Variants in CDH22 observed in about 807,000 individuals in gnomAD.
CDH22 encodes the protein cadherin 22.
Under a neutral mutation model 58.4 loss-of-function variants are expected in CDH22, and 30 were observed. The observed-to-expected ratio is 0.51, with a 90% CI of 0.38 to 0.70. The LOEUF (loss-of-function observed/expected upper bound fraction) is 0.70, where lower values mean the gene tolerates loss of function less well. Among genes scored for constraint, CDH22 ranks in the 30% least tolerant of loss-of-function variants. CDH22 has a pLI of 0.00. For synonymous variants in CDH22, 513 were observed against 558.2 expected (o/e 0.92, Z 1.14); for missense variants, 1,014 against 1,233.9 (o/e 0.82, Z 2.67).
chr20:46,201,075 G>A lies in CDH22; in HGVS notation c.1287-1516C>T, dbSNP rs554160249. The stretch of plus-strand genomic sequence containing the variant: ...CCTTAAAGGCCCGTGTCCAACACAT[G>A]TCTCGGGCGGCGGCGGCCCAGAGAG... On this transcript the variant is annotated intron_variant, in intron 7 of 11. Coordinates refer to ENST00000537909, the MANE Select transcript of CDH22 (RefSeq NM_021248.3). Among the ~76,000 whole-genome samples the A allele has an allele frequency of 8.1e-4, 123 of 152,354 alleles. 3 individuals carry two copies. In the South Asian group the frequency reaches 0.025, roughly 31 times the overall value.
At chr20:46,281,675 C>T (rs533095908) in intron 1 of CDH22, among the ~76,000 whole-genome samples, 20 of 152,322 alleles carry the variant, frequency 1.3e-4, no homozygotes, top group African/African-American at 4.6e-4. Flanking sequence ...AGGTAGGTAG[C>T]CAACAAAGGG....
intron 1 of CDH22, among the ~76,000 whole-genome samples, chr20:46,277,655 G>C (rs1156734193): frequency 6.6e-6 from 1 of 151,968 alleles, no homozygotes; most frequent in African/African-American, 2.4e-5. Context: ...GGGTGAGTTT[G>C]GAGGAGGGCC....
chr20:46,266,472 G>T (rs989321541), intron 1 of CDH22, among the ~76,000 whole-genome samples: 1 of 152,204 alleles, frequency 6.6e-6, no homozygotes, highest in Non-Finnish European at 1.5e-5. Context: ...GGCCTCCTAG[G>T]AGCCATTACA....
At chr20:46,231,874 C>T (rs2086222626) in intron 3 of CDH22, among the ~76,000 whole-genome samples, 1 of 152,180 alleles carries the variant, frequency 6.6e-6, no homozygotes, top group Admixed American at 6.5e-5. Context: ...ATTTCCTCAC[C>T]TGTAACATTA....
chr20:46,234,178 G>A (rs2086238726), intron 3 of CDH22, among the ~76,000 whole-genome samples: 1 of 152,200 alleles, frequency 6.6e-6, no homozygotes, highest in African/African-American at 2.4e-5. Context: ...GGGGATGTCA[G>A]TACTTAACCC....
chr20:46,278,907 C>T (rs1227719186), intron 1 of CDH22, among the ~76,000 whole-genome samples: 1 of 152,180 alleles, frequency 6.6e-6, no homozygotes, highest in Non-Finnish European at 1.5e-5. Context: ...ATTTCTGGCT[C>T]TGGGTCCGGA....
chr20:46,186,736 T>C (rs761255889), intron 9 of CDH22, 31 bp from the exon 10 acceptor site: 3 of 1,609,746 alleles, frequency 1.9e-6, no homozygotes, highest in Non-Finnish European at 2.5e-6. Flanking sequence ...AGAGGGCTAG[T>C]GGTGAGGCTG....
chr20:46,284,857 G>A (rs1222192555), intron 1 of CDH22, among the ~76,000 whole-genome samples: 3 of 152,198 alleles, frequency 2.0e-5, no homozygotes, highest in African/African-American at 7.2e-5. Flanking sequence ...TGCCGAGATA[G>A]TGCAGCTTTA....
intron 1 of CDH22, among the ~76,000 whole-genome samples, chr20:46,268,652 C>T (rs567347491): frequency 2.6e-5 from 4 of 152,340 alleles, no homozygotes; most frequent in Non-Finnish European, 5.9e-5. Flanking sequence ...CAGACTCCAG[C>T]ACGGCCGGCC....
rs2086290094 is a variant in CDH22 at position 46,241,522 on chromosome 20, A to G, written c.256-265T>C. Among the ~76,000 whole-genome samples, 1 of 152,088 alleles carries G rather than the reference A, an allele frequency of 6.6e-6. No homozygotes were observed. The highest frequency in any genetic ancestry group is 1.5e-5 in the Non-Finnish European group (1 of 68,008). On this transcript the variant is annotated intron_variant, in intron 2 of 11. Coordinates refer to ENST00000537909, the MANE Select transcript of CDH22 (RefSeq NM_021248.3). This position sits in a 1 kb window ranked among gnomAD's most constrained non-coding sequence, Gnocchi z 5.2. ...CTATCAGCCTTGGAGGCAGATCTGA[A>G]CATGGCCTCCCTGCTTACAACCCTC...
chr20:46,304,987 G>A (rs919135431), intron 1 of CDH22, among the ~76,000 whole-genome samples: 3 of 152,250 alleles, frequency 2.0e-5, no homozygotes, highest in East Asian at 1.9e-4. Flanking sequence ...TTCAGTCCCC[G>A]CTCTCCTCCT....
At position 46,241,151 on chromosome 20, in the gene CDH22, G is replaced by A. The variant is rs747134732; in HGVS notation, c.362C>T (p.Ala121Val). The A allele has an allele frequency of 1.8e-5, 29 of 1,614,060 alleles. No individual in the cohort carries two copies. The highest frequency in any genetic ancestry group is 2.4e-5 in the Non-Finnish European group (28 of 1,180,022). The change falls in exon 3 of 12, where the codon GCC (alanine) becomes GTC (valine). Residue 121 changes from alanine to valine, a missense_variant. Physicochemically the swap from Ala to Val is moderately conservative, Grantham distance 64. Transcript: ENST00000537909. The surrounding 1 kb of genome is among the most constrained non-coding windows in gnomAD (Gnocchi z 5.2). ...CTGCTCGCGGTCCAGGCGCTCCATG[G>A]CATGAATGTCGCCTGTCAGCTCGTC... ...LIDELTGDIHAMERLDREQKT... is the reference protein window; with the variant it reads ...LIDELTGDIHVMERLDREQKT...
At chr20:46,263,429 C>T (rs112018495) in intron 1 of CDH22, among the ~76,000 whole-genome samples, 58 of 51,868 alleles carry the variant, frequency 1.1e-3, no homozygotes, top group African/African-American at 2.9e-3. Flanking sequence ...TGTGTGTGTG[C>T]GTGTGTGTGC....
At chr20:46,269,422 A>G (rs2086476937) in intron 1 of CDH22, among the ~76,000 whole-genome samples, 1 of 152,226 alleles carries the variant, frequency 6.6e-6, no homozygotes, top group South Asian at 2.1e-4. Context: ...AATAGTACTG[A>G]GCATAGCTAA....
At chr20:46,178,388 T>C (rs943949740) in intron 10 of CDH22, among the ~76,000 whole-genome samples, 191 bp from the exon 11 acceptor site, 8 of 152,074 alleles carry the variant, frequency 5.3e-5, no homozygotes, top group Non-Finnish European at 1.0e-4. Context: ...TGCCCCATGC[T>C]GCCCAAAGAT....
chr20:46,304,615 T>C (rs2145788792), intron 1 of CDH22, among the ~76,000 whole-genome samples: 1 of 152,264 alleles, frequency 6.6e-6, no homozygotes, highest in East Asian at 1.9e-4. Flanking sequence ...CTAATCCCAA[T>C]GTGACAGCAG....
chr20:46,243,048 T>C (rs762406146), intron 2 of CDH22, among the ~76,000 whole-genome samples: 8 of 152,152 alleles, frequency 5.3e-5, no homozygotes, highest in Non-Finnish European at 8.8e-5. Flanking sequence ...CGATGAGGCT[T>C]TGGGCAGGTC....
intron 8 of CDH22, among the ~76,000 whole-genome samples, chr20:46,198,941 C>T (rs1163013228): frequency 6.6e-6 from 1 of 152,198 alleles, no homozygotes; most frequent in African/African-American, 2.4e-5. Context: ...CCTTTCCCAG[C>T]CTCCTTCTCT....
chr20:46,246,448 A>G (rs1437528644), intron 2 of CDH22, among the ~76,000 whole-genome samples: 1 of 152,182 alleles, frequency 6.6e-6, no homozygotes, highest in Non-Finnish European at 1.5e-5. Context: ...TAAAAATCCT[A>G]CAAAATCCAC....
Sources: allele counts gnomAD v4.1 joint callset (sites outside exome capture counted in the v4.1 genomes callset), GRCh38; gene constraint gnomAD v4.1.1; non-coding constraint Gnocchi (gnomAD v3.1); transcripts MANE v1.5; gene names NCBI Gene and HGNC (gene_info 2026-07-23, HGNC 2026-07-21).